The following EBF1 variants were observed in gnomAD, a reference collection of about 807,000 sequenced individuals.
EBF1 encodes the protein transcription factor COE1.
Under a neutral mutation model 68.4 loss-of-function variants are expected in EBF1, and 10 were observed. The observed-to-expected ratio is 0.15, with a 90% confidence interval of 0.09 to 0.25. The LOEUF (loss-of-function observed/expected upper bound fraction) is 0.25. Ranked by LOEUF, EBF1 falls within the 10% of genes least tolerant of loss-of-function variation. The pLI is 1.00. For missense variants in EBF1, 509 were observed against 794.4 expected, an observed-to-expected ratio of 0.64 and a Z score of 4.32; for synonymous variants, 298 against 299.8, an observed-to-expected ratio of 0.99 and a Z score of 0.06.
intron 6 of EBF1, among the ~76,000 whole-genome samples, chr5:158,924,186 C>G (rs1188055351): frequency 6.6e-6 from 1 of 152,188 alleles, no homozygotes; most frequent in East Asian, 1.9e-4. Context: ...AACAATTTGC[C>G]GAGAAGGCAA....
At chr5:159,096,876 G>T in intron 2 of EBF1, 98 bp downstream of exon 2, 1 of 1,447,996 alleles carries the variant, frequency 6.9e-7, no homozygotes, top group Non-Finnish European at 9.3e-7. Flanking sequence ...GTGTGTTATG[G>T]ATGCTTTGCA....
At chr5:159,014,862 A>G (rs1765357644) in intron 6 of EBF1, among the ~76,000 whole-genome samples, 2 of 152,144 alleles carry the variant, frequency 1.3e-5, no homozygotes, top group Admixed American at 6.5e-5. Context: ...CTACAGCTCC[A>G]TCTTGGAGAA....
intron 6 of EBF1, among the ~76,000 whole-genome samples, chr5:158,912,878 G>C (rs923220185): frequency 1.3e-5 from 2 of 152,168 alleles, no homozygotes; most frequent in African/African-American, 4.8e-5. Context: ...TATTCTTGCA[G>C]GTAGTATAGA....
Position 158,885,430 on chromosome 5 carries a change from C to A in EBF1, c.555-45320G>T, listed in dbSNP as rs186920101. Among the ~76,000 whole-genome samples the A allele has an allele frequency of 3.0e-4, 45 of 152,288 alleles. No individual in the cohort carries two copies. In the East Asian group the frequency reaches 8.3e-3, roughly 28 times the overall value. On this transcript the variant is annotated intron_variant, in intron 6 of 15. Transcript: ENST00000313708. ...AATGCGGTCAGGAGTTAATGACAGACTAAATAAGGGTGACACCCTTGCTTT... is the reference window on the plus strand; with the variant it reads ...AATGCGGTCAGGAGTTAATGACAGAATAAATAAGGGTGACACCCTTGCTTT...
chr5:158,899,087 G>A (rs1322770479), intron 6 of EBF1, among the ~76,000 whole-genome samples: 1 of 152,228 alleles, frequency 6.6e-6, no homozygotes, highest in Non-Finnish European at 1.5e-5. Context: ...ATTCAATAAT[G>A]TATCTGAATA....
intron 6 of EBF1, among the ~76,000 whole-genome samples, chr5:158,877,424 T>C (rs907339228): frequency 2.0e-5 from 3 of 152,136 alleles, no homozygotes; most frequent in Non-Finnish European, 4.4e-5. Flanking sequence ...CAAAAATTTC[T>C]CTCATACTTG....
At chr5:159,081,968 G>C (rs1779806962) in intron 5 of EBF1, among the ~76,000 whole-genome samples, 1 of 152,154 alleles carries the variant, frequency 6.6e-6, no homozygotes, top group Non-Finnish European at 1.5e-5. Context: ...TCCATGTCCA[G>C]TCAAAGAGGC....
intron 6 of EBF1, among the ~76,000 whole-genome samples, chr5:158,962,057 A>G (rs537475543): frequency 1.3e-5 from 2 of 152,280 alleles, no homozygotes; most frequent in South Asian, 2.1e-4. Flanking sequence ...GCTGAAGGTT[A>G]CCAATTGTCA....
At chr5:159,081,109 T>G (rs931253689) in intron 5 of EBF1, among the ~76,000 whole-genome samples, 1 of 151,870 alleles carries the variant, frequency 6.6e-6, no homozygotes, top group Non-Finnish European at 1.5e-5. Context: ...GCCCCCTGAG[T>G]AGCTGGGAAT....
chr5:158,964,264 T>G (rs1753663519), intron 6 of EBF1, among the ~76,000 whole-genome samples: 1 of 152,090 alleles, frequency 6.6e-6, no homozygotes, highest in African/African-American at 2.4e-5. Context: ...GGAAGGACAC[T>G]GTACATAACT....
chr5:159,015,787 T>C (rs932605069), intron 6 of EBF1, among the ~76,000 whole-genome samples: 2 of 152,220 alleles, frequency 1.3e-5, no homozygotes, highest in African/African-American at 2.4e-5. Context: ...TAAGAACTTG[T>C]ACACATTTAA....
chr5:158,770,202 G>A (rs112880657), intron 10 of EBF1, among the ~76,000 whole-genome samples: 3 of 152,116 alleles, frequency 2.0e-5, no homozygotes, highest in South Asian at 2.1e-4. Context: ...AAATCTAGCA[G>A]CTTTAACCCC....
intron 8 of EBF1, among the ~76,000 whole-genome samples, chr5:158,820,616 C>T (rs1209660413): frequency 1.3e-5 from 2 of 151,876 alleles, no homozygotes; most frequent in Admixed American, 6.6e-5. Flanking sequence ...AATAAGGCTT[C>T]GGTGAAGGCA....
At chr5:158,985,033 C>T (rs903555782) in intron 6 of EBF1, among the ~76,000 whole-genome samples, 10 of 152,116 alleles carry the variant, frequency 6.6e-5, no homozygotes, top group African/African-American at 1.2e-4. Context: ...CTCCCATCTA[C>T]GGCAGGTGAG....
In EBF1 at chr5:158,703,895, C is replaced by A. The variant is rs1486095794; in HGVS notation, c.1744+4084G>T. The stretch of plus-strand genomic sequence containing the variant: ...TGTACTTCCACAGCTGGGTGCCCAG[C>A]CTTTCCCAGACAGATCTTCCTTATT... On this transcript the variant is annotated intron_variant, in intron 15 of 15. Coordinates refer to ENST00000313708, the MANE Select transcript of EBF1 (RefSeq NM_024007.5). Among the ~76,000 whole-genome samples the A allele has an allele frequency of 3.3e-5, 5 of 152,214 alleles. No individual in the cohort carries two copies. The East Asian group carries it at 7.7e-4, about 23-fold the overall frequency.
chr5:158,702,233 T>G (rs536829741), intron 15 of EBF1, among the ~76,000 whole-genome samples: 7 of 152,168 alleles, frequency 4.6e-5, no homozygotes, highest in Non-Finnish European at 5.9e-5. Flanking sequence ...TTTTAGGAGT[T>G]GTTTTTCTTA....
chr5:158,988,049 T>TA (rs1329904485), intron 6 of EBF1, among the ~76,000 whole-genome samples: 3 of 152,160 alleles, frequency 2.0e-5, no homozygotes, highest in Non-Finnish European at 2.9e-5. Context: ...ACTGGAATAT[T>TA]AAATACTGTA....
intron 6 of EBF1, among the ~76,000 whole-genome samples, chr5:159,028,725 C>T (rs779114320): frequency 9.9e-5 from 15 of 152,132 alleles, no homozygotes; most frequent in Non-Finnish European, 2.1e-4. Flanking sequence ...GACTGGATGA[C>T]TGGGTGGCTT....
At chr5:158,970,029 G>A (rs778342800) in intron 6 of EBF1, among the ~76,000 whole-genome samples, 3 of 152,004 alleles carry the variant, frequency 2.0e-5, no homozygotes, top group Non-Finnish European at 2.9e-5. Flanking sequence ...CATGAAAAAT[G>A]ACAAACCTAA....
Sources: allele counts gnomAD v4.1 joint callset (sites outside exome capture counted in the v4.1 genomes callset), GRCh38; gene constraint gnomAD v4.1.1; transcripts MANE v1.5; gene names NCBI Gene and HGNC (gene_info 2026-07-23, HGNC 2026-07-21).